CCDC15: variants seen among roughly 807,000 people sequenced by gnomAD.
CCDC15 encodes coiled-coil domain containing 15.
A neutral mutation model predicts 114.5 loss-of-function variants in CCDC15; 105 were observed. That is an observed-to-expected ratio of 0.92 (90% CI 0.78 to 1.08). The LOEUF (loss-of-function observed/expected upper bound fraction) is 1.08, where lower values mean the gene tolerates loss of function less well. Among genes scored for constraint, CCDC15 ranks in the 50% least tolerant of loss-of-function variants. The pLI is 0.00. For synonymous variants in CCDC15, 334 were observed against 377.8 expected (o/e 0.88, Z 1.34); for missense variants, 1,105 against 1,093.6 (o/e 1.01, Z -0.15).
In CCDC15 at chr11:124,986,856, G is replaced by C. The variant is rs1305783224; in HGVS notation, c.868G>C (p.Glu290Gln). ...GQQDQQAIHS[E>Q]DKNKPFSRVQ... ...GCAGGACCAGCAGGCTATCCATTCT[G>C]AAGATAAGAACAAACCTTTCAGCAG... The change falls in exon 7 of 16, where the codon GAA becomes CAA. Residue 290 changes from glutamate (E) to glutamine (Q), a missense_variant. By Grantham distance (29) the Glu-to-Gln change is conservative. Coordinates refer to ENST00000344762, the MANE Select transcript of CCDC15 (RefSeq NM_025004.3). 1 of 1,560,758 alleles carries C rather than the reference G, an allele frequency of 6.4e-7. No individual in the cohort carries two copies. The highest frequency in any genetic ancestry group is 8.7e-7 in the Non-Finnish European group (1 of 1,152,428).
intron 4 of CCDC15, among the ~76,000 whole-genome samples, chr11:124,968,288 C>T (rs1030809287): frequency 9.2e-5 from 14 of 151,964 alleles, no homozygotes; most frequent in African/African-American, 1.9e-4. Flanking sequence ...AGACAGGCCT[C>T]GTTGAGCTGC....
At chr11:124,989,838 G>A (rs1419539639) in intron 8 of CCDC15, among the ~76,000 whole-genome samples, 1 of 152,204 alleles carries the variant, frequency 6.6e-6, no homozygotes, top group African/African-American at 2.4e-5. Flanking sequence ...GCCTTGCTCT[G>A]GATCAGGCTT....
rs11219873 is a variant in CCDC15 at position 125,040,804 on chromosome 11, T to C, written c.*93T>C. On this transcript the variant is annotated 3_prime_UTR_variant, in exon 16 of 16. Transcript: ENST00000344762. Reference sequence around the variant, plus strand: ...GAAAAGCTGTTCAAGTTATAAAATATATAATCTGGGAAGAAATACTGTCTC... The same window carrying C: ...GAAAAGCTGTTCAAGTTATAAAATACATAATCTGGGAAGAAATACTGTCTC... 41 of 1,081,518 alleles carry C rather than the reference T, an allele frequency of 3.8e-5. 1 individual carries two copies. The East Asian group carries it at 9.5e-4, about 25-fold the overall frequency. The allele number at this position is 1,081,518 out of a possible 1,614,324, so 67.0% of individuals were successfully genotyped here.
chr11:124,960,170 T>C (rs1947634959), intron 4 of CCDC15, among the ~76,000 whole-genome samples, 167 bp downstream of exon 4: 1 of 148,562 alleles, frequency 6.7e-6, no homozygotes, highest in African/African-American at 2.5e-5. Flanking sequence ...AAGTGGGGAA[T>C]AGTGGGATAA....
chr11:125,005,182 G>A lies in CCDC15; in HGVS notation c.2381G>A (p.Arg794Lys). ...IEREQVKEQQ[R>K]QKEQKKKIEK... ...AGAGAACAAGTTAAAGAACAACAAA[G>A]GCAAAAAGAACAAAAGAAGAAAATT... Residue 794 changes from arginine (R) to lysine (K), a missense_variant, in exon 13 of 16, where the codon AGG (arginine) becomes AAG (lysine). Coordinates refer to ENST00000344762, the MANE Select transcript of CCDC15 (RefSeq NM_025004.3). The A allele has an allele frequency of 1.9e-6, 3 of 1,559,278 alleles. No individual in the cohort carries two copies. The highest frequency in any genetic ancestry group is 1.2e-5 in the South Asian group (1 of 85,038).
intron 9 of CCDC15, 85 bp downstream of exon 9, chr11:124,991,668 T>A (rs1948271562): frequency 7.9e-7 from 1 of 1,267,216 alleles, no homozygotes; most frequent in African/African-American, 1.5e-5. Flanking sequence ...AATGAGGGAT[T>A]TTGGAGCTAA....
chr11:124,998,264 CA>C (rs1948409261), intron 11 of CCDC15, among the ~76,000 whole-genome samples: 1 of 152,156 alleles, frequency 6.6e-6, no homozygotes, highest in Non-Finnish European at 1.5e-5. Flanking sequence ...GTGCTGACCA[CA>C]TTTGTTTACT....
In CCDC15 at chr11:125,038,479, C is replaced by T; in HGVS notation, c.2460C>T (p.Ile820=). The part of the protein sequence containing the change: ...EQECYAAEQR[I]LRMNFHEDPY... ...AATGTTATGCTGCAGAGCAGAGGATCCTAAGAATGAACTTTCATGAAGATC... is the reference window on the plus strand; with the variant it reads ...AATGTTATGCTGCAGAGCAGAGGATTCTAAGAATGAACTTTCATGAAGATC... Residue 820 remains isoleucine (I), a synonymous_variant, in exon 14 of 16, where the codon ATC becomes ATT. Transcript: ENST00000344762. 2 of 1,581,144 alleles carry T rather than the reference C, an allele frequency of 1.3e-6. No individual in the cohort carries two copies. Among genetic ancestry groups the T allele is most frequent in the Non-Finnish European group, 1.7e-6 (2 of 1,162,862 alleles).
chr11:124,977,554 A>G lies in CCDC15; in HGVS notation c.707A>G (p.Gln236Arg). 2.5e-6 allele frequency: 4 copies of G among 1,609,582 alleles called. No homozygotes were observed. The highest frequency in any genetic ancestry group is 3.4e-6 in the Non-Finnish European group (4 of 1,177,786). ...IRGELPIKVH[Q>R]GLLAAVPYQN... ...GGAGAGTTGCCCATTAAGGTCCATCAAGGTCTTTTAGCTGCTGTACCTTAC... is the reference window on the plus strand; with the variant it reads ...GGAGAGTTGCCCATTAAGGTCCATCGAGGTCTTTTAGCTGCTGTACCTTAC... Residue 236 changes from glutamine to arginine, a missense_variant, in exon 6 of 16, where the codon CAA (glutamine) becomes CGA (arginine). Transcript: ENST00000344762.
At chr11:125,014,422 G>C (rs4936968) in intron 13 of CCDC15, among the ~76,000 whole-genome samples, 30,867 of 151,994 alleles carry the variant, frequency 0.2, 3,729 homozygotes, top group African/African-American at 0.34. Context: ...AGAAAGAAAA[G>C]ACAACAGAAG....
At chr11:124,963,197 G>C (rs1167380588) in intron 4 of CCDC15, among the ~76,000 whole-genome samples, 1 of 152,180 alleles carries the variant, frequency 6.6e-6, no homozygotes, top group Non-Finnish European at 1.5e-5. Flanking sequence ...TCTAGTTCTA[G>C]ATCCTTGAGG....
intron 13 of CCDC15, among the ~76,000 whole-genome samples, chr11:125,015,945 C>A (rs943417024): frequency 3.9e-5 from 6 of 152,164 alleles, no homozygotes; most frequent in African/African-American, 1.4e-4. Context: ...CTGAACTTCT[C>A]CCAAGCTATG....
Position 124,987,835 on chromosome 11 carries a change from C to T in CCDC15, c.1609C>T (p.Gln537Ter), listed in dbSNP as rs775983435. 1.2e-6 allele frequency: 2 copies of T among 1,605,460 alleles called. No homozygotes were observed. Among genetic ancestry groups the T allele is most frequent in the Non-Finnish European group, 1.7e-6 (2 of 1,173,660 alleles). The change falls in exon 8 of 16, where the codon CAG (glutamine) becomes TAG (stop). Residue 537 changes from glutamine (Q) to a stop codon, truncating the protein, a stop_gained. Transcript: ENST00000344762. LOFTEE classifies it high-confidence loss of function. ...AGGCCAGGATTTTCTACCTAAAGAC[C>T]AGGACTTTTTATCTAGAGACCAGCA... is the stretch of plus-strand genomic sequence containing the variant. ...YQGQDFLPKD[Q>*]DFLSRDQHVL...
chr11:125,022,155 G>C (rs752435709), intron 13 of CCDC15, among the ~76,000 whole-genome samples: 9 of 151,802 alleles, frequency 5.9e-5, no homozygotes, highest in Non-Finnish European at 1.3e-4. Flanking sequence ...GATCTTTTAA[G>C]AGAGCAAGAT....
intron 4 of CCDC15, among the ~76,000 whole-genome samples, chr11:124,964,235 T>C (rs1386120990): frequency 6.6e-6 from 1 of 152,196 alleles, no homozygotes; most frequent in Non-Finnish European, 1.5e-5. Context: ...CCTTGGGCAG[T>C]ATGGCCATTT....
At chr11:124,957,880 A>T (rs973533403) in intron 2 of CCDC15, among the ~76,000 whole-genome samples, 1 of 152,182 alleles carries the variant, frequency 6.6e-6, no homozygotes, top group African/African-American at 2.4e-5. Context: ...TAGGTACGAG[A>T]TATGATGATG....
intron 11 of CCDC15, among the ~76,000 whole-genome samples, chr11:125,000,954 T>G (rs2135510181): frequency 6.6e-6 from 1 of 152,298 alleles, no homozygotes; most frequent in East Asian, 1.9e-4. Flanking sequence ...AAACACCTTA[T>G]TTAATATATA....
chr11:125,033,572 T>G (rs1948755965), intron 13 of CCDC15, among the ~76,000 whole-genome samples: 1 of 152,158 alleles, frequency 6.6e-6, no homozygotes, highest in African/African-American at 2.4e-5. Context: ...TAAGGATATA[T>G]CTTCTGGACC....
At chr11:125,009,669 A>G (rs1203994581) in intron 13 of CCDC15, among the ~76,000 whole-genome samples, 1 of 152,066 alleles carries the variant, frequency 6.6e-6, no homozygotes, top group Non-Finnish European at 1.5e-5. Flanking sequence ...CCCTCCCTCT[A>G]GTAGTCTTCA....
Sources: gnomAD v4.1 joint callset for allele counts (sites outside exome capture counted in the v4.1 genomes callset) on GRCh38, gnomAD v4.1.1 for gene constraint, MANE v1.5 for transcripts, NCBI Gene and HGNC (gene_info 2026-07-23, HGNC 2026-07-21) for gene names.